The following NMBR variants were observed in gnomAD, a reference collection of about 807,000 sequenced individuals.
NMBR encodes the protein neuromedin-B receptor.
Under a neutral mutation model 20.5 loss-of-function variants are expected in NMBR, and 16 were observed. The observed-to-expected ratio is 0.78, with a 90% CI of 0.53 to 1.19. NMBR has a LOEUF of 1.19. Ranked by LOEUF, NMBR falls within the 50% of genes most tolerant of loss-of-function variation. The probability of loss-of-function intolerance (pLI) is 0.00; values close to 1 mark genes in which losing one functional copy is unlikely to be tolerated. For synonymous variants in NMBR, 212 were observed against 196.6 expected (o/e 1.08, Z -0.65); for missense variants, 582 against 499.1 (o/e 1.17, Z -1.58).
intron 1 of NMBR, among the ~76,000 whole-genome samples, chr6:142,111,165 G>A (rs1360426611): frequency 6.6e-6 from 1 of 151,840 alleles, no homozygotes; most frequent in African/African-American, 2.4e-5. Flanking sequence ...GCTTGAACCT[G>A]GGAGGCAGAG....
chr6:142,130,501 C>A (rs1480254177), intron 1 of NMBR, among the ~76,000 whole-genome samples: 17 of 151,920 alleles, frequency 1.1e-4, no homozygotes, highest in East Asian at 3.9e-4. Flanking sequence ...TTCAGAAAAG[C>A]CTAATCCAAA....
rs754186720 is a variant in NMBR, at chr6:142,089,024, A to C, written c.-366T>G. 34 of 177,042 alleles carry C rather than the reference A, an allele frequency of 1.9e-4. No homozygotes were observed. The highest frequency in any genetic ancestry group is 8.7e-4 in the Admixed American group (16 of 18,420). 11.0% of individuals were successfully genotyped at this position (177,042 alleles called of 1,614,324 possible). A position where few individuals can be genotyped will look rare whatever the true frequency, so the allele number is the denominator to read the frequency against. ...GAGCTGTCCCTTGGGGATCAGTAGA[A>C]GCACCTGCCGGACTCTTCGCCCAGA... On this transcript the variant is annotated 5_prime_UTR_variant, in exon 2 of 4. Coordinates refer to ENST00000258042, the MANE Select transcript of NMBR (RefSeq NM_002511.4).
At chr6:142,083,523 C>T (rs1777140018) in intron 2 of NMBR, among the ~76,000 whole-genome samples, 1 of 152,098 alleles carries the variant, frequency 6.6e-6, no homozygotes, top group African/African-American at 2.4e-5. Flanking sequence ...CTCTGCATCC[C>T]CAACAAAATC....
chr6:142,080,632 A>C (rs1249259828), intron 2 of NMBR, among the ~76,000 whole-genome samples: 1 of 152,088 alleles, frequency 6.6e-6, no homozygotes, highest in Non-Finnish European at 1.5e-5. Context: ...TACCTATAAA[A>C]CTAATACAAA....
chr6:142,105,727 C>A (rs1297069664), intron 1 of NMBR, among the ~76,000 whole-genome samples: 2 of 152,088 alleles, frequency 1.3e-5, no homozygotes, highest in African/African-American at 4.8e-5. Context: ...ACATTAACTA[C>A]AATTTTAACT....
At chr6:142,129,654 C>T (rs944803781) in intron 1 of NMBR, among the ~76,000 whole-genome samples, 28 of 152,108 alleles carry the variant, frequency 1.8e-4, no homozygotes, top group African/African-American at 6.5e-4. Context: ...CTGAAACACT[C>T]TTACTCTGGC....
intron 1 of NMBR, among the ~76,000 whole-genome samples, chr6:142,095,082 A>G (rs1315692824): frequency 5.9e-5 from 9 of 152,212 alleles, no homozygotes; most frequent in South Asian, 4.1e-4. Context: ...TAGATATACA[A>G]TCATGTCATC....
intron 1 of NMBR, among the ~76,000 whole-genome samples, chr6:142,119,779 A>T (rs1303754500): frequency 6.6e-6 from 1 of 151,958 alleles, no homozygotes; most frequent in Non-Finnish European, 1.5e-5. Flanking sequence ...TGAAACAAAG[A>T]GTTTCAGAGT....
At position 142,134,680 on chromosome 6, in the gene NMBR, C is replaced by T; in HGVS notation, c.-664+12364G>A. On this transcript the variant is annotated intron_variant, in intron 1 of 3. Transcript: ENST00000258042. Reference sequence around the variant, plus strand: ...ACTCTCTGTTTTATTAAGAATTAGTCTAGCGGCAATAGCATTCTGGCTTCA... The same window carrying T: ...ACTCTCTGTTTTATTAAGAATTAGTTTAGCGGCAATAGCATTCTGGCTTCA... The T allele has an allele frequency of 4.3e-6, 3 of 696,166 alleles. No individual in the cohort carries two copies. The South Asian group carries it at 4.5e-5, about 11-fold the overall frequency. 43.1% of individuals were successfully genotyped at this position (696,166 alleles called of 1,614,324 possible).
chr6:142,079,066 G>A (rs1055447856), intron 2 of NMBR, among the ~76,000 whole-genome samples, 163 bp from the exon 3 acceptor site: 54 of 133,900 alleles, frequency 4.0e-4, no homozygotes, highest in African/African-American at 1.4e-3. Context: ...GAAAGAGAGA[G>A]AGAAAGAGAG....
intron 2 of NMBR, 104 bp downstream of exon 2, chr6:142,088,133 C>A (rs1777234112): frequency 5.1e-6 from 6 of 1,187,790 alleles, no homozygotes; most frequent in South Asian, 1.4e-5. Flanking sequence ...CACACCCAAC[C>A]TTTCCTTGCG....
intron 1 of NMBR, among the ~76,000 whole-genome samples, chr6:142,129,669 A>C (rs1778104669): frequency 6.6e-6 from 1 of 152,152 alleles, no homozygotes. Context: ...TCTGGCCAAC[A>C]CAAAGGTTCT....
intron 1 of NMBR, among the ~76,000 whole-genome samples, chr6:142,117,770 T>C (rs906329842): frequency 1.3e-5 from 2 of 152,102 alleles, no homozygotes; most frequent in Non-Finnish European, 2.9e-5. Flanking sequence ...TATGATTCAG[T>C]ATATACCAAA....
At chr6:142,087,090 A>T (rs1432466279) in intron 2 of NMBR, among the ~76,000 whole-genome samples, 1 of 152,152 alleles carries the variant, frequency 6.6e-6, no homozygotes, top group Non-Finnish European at 1.5e-5. Context: ...AGTTTCCAGG[A>T]GTGTGGTTTT....
intron 1 of NMBR, among the ~76,000 whole-genome samples, chr6:142,118,028 A>G (rs1364808216): frequency 6.6e-6 from 1 of 152,066 alleles, no homozygotes; most frequent in East Asian, 1.9e-4. Flanking sequence ...TAATTTCACA[A>G]AAACCATTGA....
At chr6:142,144,552 G>T (rs1284718281) in intron 1 of NMBR, among the ~76,000 whole-genome samples, 1 of 152,186 alleles carries the variant, frequency 6.6e-6, no homozygotes, top group Non-Finnish European at 1.5e-5. Context: ...CCTAGAGGGT[G>T]ATGTCAGATC....
chr6:142,110,478 T>TATG (rs1410008600), intron 1 of NMBR, among the ~76,000 whole-genome samples: 1 of 152,188 alleles, frequency 6.6e-6, no homozygotes, highest in African/African-American at 2.4e-5. Flanking sequence ...ATCACTATTG[T>TATG]ATGATTACAT....
At chr6:142,086,140 T>C (rs1777195344) in intron 2 of NMBR, among the ~76,000 whole-genome samples, 1 of 152,156 alleles carries the variant, frequency 6.6e-6, no homozygotes, top group South Asian at 2.1e-4. Flanking sequence ...TGTGGATTAA[T>C]GGTGAAGAGT....
rs780218587 is a variant in NMBR, at chr6:142,088,234, T to C, written c.422+3A>G. The C allele has an allele frequency of 3.7e-6, 6 of 1,608,932 alleles. No homozygotes were observed. Among genetic ancestry groups the C allele is most frequent in the South Asian group, 1.1e-5 (1 of 91,058 alleles). On this transcript the variant is annotated splice_donor_region_variant and intron_variant, in intron 2 of 3. Transcript: ENST00000258042. ...AGCCACTCACAGCTACCTGTGCTCT[T>C]ACCTGTCGGCGCTGAGGGCAGTGAG...
Sources: gnomAD v4.1 joint callset for allele counts (sites outside exome capture counted in the v4.1 genomes callset) on GRCh38, gnomAD v4.1.1 for gene constraint, MANE v1.5 for transcripts, NCBI Gene and HGNC (gene_info 2026-07-23, HGNC 2026-07-21) for gene names.